ADAM23: variants seen among roughly 807,000 people sequenced by gnomAD.
The protein encoded by ADAM23 is ADAM metallopeptidase domain 23, also known as disintegrin and metalloproteinase domain-containing protein 23.
A neutral mutation model predicts 120.1 loss-of-function variants in ADAM23; 33 were observed. That is an observed-to-expected ratio of 0.27 (90% CI 0.21 to 0.37). The LOEUF is 0.37. Among genes scored for constraint, ADAM23 ranks in the 10% least tolerant of loss-of-function variants. The pLI, the probability that ADAM23 is intolerant of heterozygous loss-of-function variation, is 1.00. For synonymous variants in ADAM23, 367 were observed against 375.2 expected (o/e 0.98, Z 0.25); for missense variants, 862 against 1,058.2 (o/e 0.81, Z 2.57).
chr2:206,491,878 G>A (rs530081425), intron 3 of ADAM23, among the ~76,000 whole-genome samples: 1 of 152,230 alleles, frequency 6.6e-6, no homozygotes, highest in Admixed American at 6.5e-5. Context: ...TTCTTAAATG[G>A]GTTTCTCATA....
intron 18 of ADAM23, among the ~76,000 whole-genome samples, chr2:206,578,559 CAT>C (rs55891622): frequency 0.86 from 129,653 of 151,156 alleles, 55,879 homozygotes; most frequent in African/African-American, 0.94. Flanking sequence ...AGCATTCCAT[CAT>C]ATATATATAT....
intron 21 of ADAM23, among the ~76,000 whole-genome samples, chr2:206,590,538 C>T (rs901945370): frequency 2.6e-5 from 4 of 152,152 alleles, no homozygotes; most frequent in African/African-American, 7.2e-5. Flanking sequence ...AATGAAAATT[C>T]TCCTAATTTT....
At position 206,583,414 on chromosome 2, in the gene ADAM23, A is replaced by T. The variant is rs190120399; in HGVS notation, c.1738-3911A>T. Reference sequence around the variant, plus strand: ...GGTTGCAGTGAGCCGAGATAGTGCCACTGCACTCTGGCCTGGGCGAAAGAG... The same window carrying T: ...GGTTGCAGTGAGCCGAGATAGTGCCTCTGCACTCTGGCCTGGGCGAAAGAG... On this transcript the variant is annotated intron_variant, in intron 18 of 25. Coordinates refer to ENST00000264377, the MANE Select transcript of ADAM23 (RefSeq NM_003812.4). Among the ~76,000 whole-genome samples the T allele has an allele frequency of 2.2e-4, 34 of 151,856 alleles. No homozygotes were observed. In the East Asian group the frequency reaches 6.6e-3, roughly 30 times the overall value.
intron 4 of ADAM23, among the ~76,000 whole-genome samples, chr2:206,537,284 T>A (rs1226598938): frequency 6.6e-6 from 1 of 151,834 alleles, no homozygotes; most frequent in Non-Finnish European, 1.5e-5. Flanking sequence ...GAGTGAAGGG[T>A]TTTTGGCAGC....
chr2:206,561,534 CTCTG>C (rs985686353), intron 12 of ADAM23, among the ~76,000 whole-genome samples: 23 of 151,848 alleles, frequency 1.5e-4, no homozygotes, highest in African/African-American at 5.6e-4. Context: ...TATAATGCTC[CTCTG>C]TCTATGTTAA....
In ADAM23 at chr2:206,443,933, T is replaced by A; in HGVS notation, c.67T>A (p.Cys23Ser). Residue 23 changes from cysteine to serine, a missense_variant, in exon 1 of 26, where the codon TGC (cysteine) becomes AGC (serine). Transcript: ENST00000264377. ...LAGCSLAGAS[C>S]GPQRGPAGSV... ...GGGCTGCAGCCTTGCCGGCGCTTCCTGCGGCCCCCAACGCGGCCCCGCCGG... is the reference window on the plus strand; with the variant it reads ...GGGCTGCAGCCTTGCCGGCGCTTCCAGCGGCCCCCAACGCGGCCCCGCCGG... 8.1e-7 allele frequency: 1 copy of A among 1,240,670 alleles called. No individual in the cohort carries two copies. The highest frequency in any genetic ancestry group is 3.2e-4 in the Middle Eastern group (1 of 3,156). The allele number at this position is 1,240,670 out of a possible 1,614,324, so 76.9% of individuals were successfully genotyped here.
chr2:206,449,365 A>G (rs1257855311), intron 2 of ADAM23, among the ~76,000 whole-genome samples: 1 of 152,236 alleles, frequency 6.6e-6, no homozygotes, highest in East Asian at 1.9e-4. Context: ...TGGACCATAC[A>G]TTTTAAAAGC....
chr2:206,544,342 CTAA>C (rs1034970308), intron 6 of ADAM23, among the ~76,000 whole-genome samples: 2 of 152,070 alleles, frequency 1.3e-5, no homozygotes, highest in African/African-American at 4.8e-5. Context: ...ATCACATGCT[CTAA>C]TAGTGTTGCT....
Position 206,477,892 on chromosome 2 carries a change from AAAAAAATATATATAT to A in ADAM23, c.433-3338_433-3324del, listed in dbSNP as rs1451083253. Reference sequence around the variant, plus strand: ...GCCAATATTCTGTTAAAAAAAAAAAAAAAAAATATATATATATATATATATATATAAAACAACAAT... The same window carrying A: ...GCCAATATTCTGTTAAAAAAAAAAAAATATATATATATATAAAACAACAAT... On this transcript the variant is annotated intron_variant, in intron 2 of 25. Coordinates refer to ENST00000264377, the MANE Select transcript of ADAM23 (RefSeq NM_003812.4). 2.8e-4 allele frequency among the ~76,000 whole-genome samples: 34 copies of A among 119,666 alleles called. 2 individuals are homozygous for A. Among genetic ancestry groups the A allele is most frequent in the African/African-American group, 1.1e-3 (33 of 30,288 alleles). 78.5% of individuals were successfully genotyped at this position (119,666 alleles called of 152,430 possible). A position where few individuals can be genotyped will look rare whatever the true frequency, so the allele number is the denominator to read the frequency against.
intron 24 of ADAM23, among the ~76,000 whole-genome samples, chr2:206,598,342 G>T (rs531809497): frequency 3.5e-3 from 527 of 151,992 alleles, no homozygotes; most frequent in Non-Finnish European, 5.9e-3. Context: ...TTAATTGTCT[G>T]GTTCTGTAAT....
intron 3 of ADAM23, among the ~76,000 whole-genome samples, chr2:206,510,349 T>C (rs980821782): frequency 7.9e-5 from 12 of 152,244 alleles, no homozygotes; most frequent in Admixed American, 7.8e-4. Context: ...TGAAGAACTT[T>C]GTATGGAGTC....
intron 21 of ADAM23, among the ~76,000 whole-genome samples, chr2:206,590,054 C>T (rs1192953387): frequency 1.3e-5 from 2 of 152,010 alleles, no homozygotes; most frequent in African/African-American, 4.8e-5. Flanking sequence ...GCCATCTTTA[C>T]TCAGGAAATG....
chr2:206,456,828 C>A (rs1329591317), intron 2 of ADAM23, among the ~76,000 whole-genome samples: 1 of 152,164 alleles, frequency 6.6e-6, no homozygotes, highest in East Asian at 1.9e-4. Context: ...AAAGAACATT[C>A]CAGAGTCATG....
chr2:206,489,600 C>A (rs1161537220), intron 3 of ADAM23, among the ~76,000 whole-genome samples: 1 of 152,104 alleles, frequency 6.6e-6, no homozygotes, highest in East Asian at 1.9e-4. Context: ...TGTGCCAAGC[C>A]CTATGTGTAC....
chr2:206,602,199 AAGG>A (rs1698651560), intron 24 of ADAM23, among the ~76,000 whole-genome samples: 2 of 152,162 alleles, frequency 1.3e-5, no homozygotes, highest in Admixed American at 1.3e-4. Flanking sequence ...TCAATAACCC[AAGG>A]ATATATCAAG....
intron 25 of ADAM23, among the ~76,000 whole-genome samples, chr2:206,610,335 A>G (rs1178330485): frequency 6.6e-6 from 1 of 152,206 alleles, no homozygotes; most frequent in East Asian, 1.9e-4. Context: ...GTAGTTGGAA[A>G]TAAGTGGATG....
At position 206,621,022 on chromosome 2, in the gene ADAM23, A is replaced by G. The variant is rs1208750064; in HGVS notation, c.*3395A>G. 2 of 152,226 alleles carry G rather than the reference A, an allele frequency of 1.3e-5. No homozygotes were observed. The highest frequency in any genetic ancestry group is 2.9e-5 in the Non-Finnish European group (2 of 68,036). 9.4% of individuals were successfully genotyped at this position (152,226 alleles called of 1,614,324 possible). ...AGTGCACTACCTGAAATTTTGTTTG[A>G]AATTAATAAATTCATTCGTATCTTG... On this transcript the variant is annotated 3_prime_UTR_variant, in exon 26 of 26. Coordinates refer to ENST00000264377, the MANE Select transcript of ADAM23 (RefSeq NM_003812.4).
intron 9 of ADAM23, among the ~76,000 whole-genome samples, chr2:206,551,282 A>G (rs1381698042): frequency 6.6e-6 from 1 of 152,182 alleles, no homozygotes; most frequent in East Asian, 1.9e-4. Flanking sequence ...AGGAGTTAGG[A>G]GAGGATGTAT....
At chr2:206,570,600 T>G in intron 15 of ADAM23, 140 bp from the exon 16 acceptor site, 1 of 628,470 alleles carries the variant, frequency 1.6e-6, no homozygotes, top group Non-Finnish European at 2.8e-6. Context: ...CAGTCATCAT[T>G]TATAAGATGC....
Sources: gnomAD v4.1 joint callset for allele counts (sites outside exome capture counted in the v4.1 genomes callset) on GRCh38, gnomAD v4.1.1 for gene constraint, MANE v1.5 for transcripts, NCBI Gene and HGNC (gene_info 2026-07-23, HGNC 2026-07-21) for gene names.